The following UGGT2 variants were observed in gnomAD, a reference collection of about 807,000 sequenced individuals.
UGGT2 encodes the protein UDP-glucose glycoprotein glucosyltransferase 2, also known as UDP-glucose:glycoprotein glucosyltransferase 2.
Under a neutral mutation model 192.1 loss-of-function variants are expected in UGGT2, and 180 were observed. The observed-to-expected ratio is 0.94, with a 90% CI of 0.83 to 1.06. The LOEUF is 1.06. Among genes scored for constraint, UGGT2 ranks in the 50% least tolerant of loss-of-function variants. The probability of loss-of-function intolerance (pLI) is 0.00; values close to 1 mark genes in which losing one functional copy is unlikely to be tolerated. For missense variants in UGGT2, 1,849 were observed against 1,795.7 expected (o/e 1.03, Z -0.54); for synonymous variants, 580 against 591.0 (o/e 0.98, Z 0.27).
At chr13:95,832,574 T>A (rs1243487015) in intron 38 of UGGT2, 2 of 334,374 alleles carry the variant, frequency 6.0e-6, no homozygotes, top group Non-Finnish European at 1.2e-5. Context: ...AAAGCTTTTA[T>A]TAATTTTTAG....
intron 17 of UGGT2, among the ~76,000 whole-genome samples, chr13:95,928,728 G>A (rs1352035684): frequency 6.6e-6 from 1 of 152,112 alleles, no homozygotes; most frequent in Non-Finnish European, 1.5e-5. Flanking sequence ...GCTGGGCAGA[G>A]GGGCTCCTCA....
At chr13:95,937,130 T>C (rs1478350406) in intron 16 of UGGT2, 42 bp from the exon 17 acceptor site, 16 of 1,549,128 alleles carry the variant, frequency 1.0e-5, no homozygotes, top group Non-Finnish European at 1.3e-5. Flanking sequence ...CAAAATATGA[T>C]TGTTTGAATA....
chr13:95,944,774 T>G (rs2049808730), intron 15 of UGGT2, among the ~76,000 whole-genome samples: 1 of 152,012 alleles, frequency 6.6e-6, no homozygotes, highest in Non-Finnish European at 1.5e-5. Context: ...GAATGCAAAA[T>G]CATCTCATTC....
At position 96,031,897 on chromosome 13, in the gene UGGT2, T is replaced by A. The variant is rs2052847163; in HGVS notation, c.233A>T (p.Lys78Met). ...ATTTACATATCACCTACCTGTTTGC[T>A]TATAAATTGCTAATTCTTGCACAGT... ...LETVQELAIY[K>M]QTESDYSYYN... Residue 78 changes from lysine to methionine, a missense_variant, in exon 2 of 39, where the codon AAG becomes ATG. By Grantham distance (95) the Lys-to-Met change is moderately conservative. Coordinates refer to ENST00000376747, the MANE Select transcript of UGGT2 (RefSeq NM_020121.4). 6.2e-7 allele frequency: 1 copy of A among 1,609,090 alleles called. No individual in the cohort carries two copies. Among genetic ancestry groups the A allele is most frequent in the Admixed American group, 1.7e-5 (1 of 59,524 alleles).
At chr13:95,869,337 G>A (rs573764426) in intron 29 of UGGT2, among the ~76,000 whole-genome samples, 9 of 151,994 alleles carry the variant, frequency 5.9e-5, no homozygotes, top group Non-Finnish European at 7.4e-5. Context: ...GAATAGTGCC[G>A]CAATAAACAT....
At chr13:95,960,635 A>G (rs1282117295) in intron 12 of UGGT2, among the ~76,000 whole-genome samples, 2 of 152,228 alleles carry the variant, frequency 1.3e-5, no homozygotes, top group African/African-American at 4.8e-5. Context: ...TTAATGAAAT[A>G]ACAGAAAAAG....
intron 20 of UGGT2, among the ~76,000 whole-genome samples, chr13:95,921,132 G>A (rs1019940423): frequency 2.0e-5 from 3 of 152,026 alleles, no homozygotes. Context: ...TTTTAAGTGG[G>A]AGCTGAATGA....
At chr13:95,838,546 C>T (rs1887539469) in intron 36 of UGGT2, among the ~76,000 whole-genome samples, 1 of 152,046 alleles carries the variant, frequency 6.6e-6, no homozygotes, top group Admixed American at 6.6e-5. Flanking sequence ...TGAAGTCTTA[C>T]TATAAAGTTA....
At position 95,854,305 on chromosome 13, in the gene UGGT2, CT is replaced by C. The variant is rs1889356935; in HGVS notation, c.4169+9del. On this transcript the variant is annotated intron_variant, in intron 35 of 38. Coordinates refer to ENST00000376747, the MANE Select transcript of UGGT2 (RefSeq NM_020121.4). ...TATTTACTAAATGGTAAGGGTCTGA[CT>C]TTTCTTACCTGATATGGTATTTCCG... The C allele has an allele frequency of 6.2e-7, 1 of 1,606,036 alleles. No individual in the cohort carries two copies. Among genetic ancestry groups the C allele is most frequent in the African/African-American group, 1.3e-5 (1 of 74,434 alleles).
At chr13:95,803,498 G>C (rs1369285039) in intron 38 of UGGT2, among the ~76,000 whole-genome samples, 5 of 152,108 alleles carry the variant, frequency 3.3e-5, no homozygotes, top group Non-Finnish European at 7.4e-5. Flanking sequence ...GACCTCAGGT[G>C]ATCCACCCGC....
chr13:95,921,955 T>C (rs1459492624), intron 20 of UGGT2, among the ~76,000 whole-genome samples: 1 of 152,148 alleles, frequency 6.6e-6, no homozygotes, highest in African/African-American at 2.4e-5. Context: ...TAAATCATTC[T>C]ACCAAAAAAG....
At chr13:95,928,660 C>T (rs1271919773) in intron 17 of UGGT2, among the ~76,000 whole-genome samples, 3 of 152,112 alleles carry the variant, frequency 2.0e-5, no homozygotes, top group Non-Finnish European at 4.4e-5. Context: ...AGACGCTCCT[C>T]ACTTCCTAGA....
At chr13:95,874,121 T>C (rs1481028523) in intron 29 of UGGT2, among the ~76,000 whole-genome samples, 1 of 152,170 alleles carries the variant, frequency 6.6e-6, no homozygotes, top group East Asian at 1.9e-4. Context: ...CTTATTTTTG[T>C]CTGCTTATTC....
intron 26 of UGGT2, chr13:95,887,172 G>A (rs138138185): frequency 2.6e-6 from 1 of 390,726 alleles, no homozygotes; most frequent in Non-Finnish European, 5.2e-6. Context: ...TGTCTTGTGT[G>A]TGTATGCATA....
chr13:95,895,065 T>C, intron 23 of UGGT2, 115 bp downstream of exon 23: 2 of 1,047,312 alleles, frequency 1.9e-6, no homozygotes, highest in Non-Finnish European at 2.7e-6. Context: ...TCTTTATATA[T>C]GTCTTTTATT....
intron 10 of UGGT2, 117 bp downstream of exon 10, chr13:95,983,687 T>C (rs2051199811): frequency 1.2e-6 from 1 of 805,890 alleles, no homozygotes; most frequent in Admixed American, 2.8e-5. Flanking sequence ...CCAGACTGTT[T>C]TAATAATCAA....
chr13:95,887,139 C>A, intron 26 of UGGT2: 1 of 277,626 alleles, frequency 3.6e-6, no homozygotes, highest in Non-Finnish European at 7.4e-6. Context: ...GAAAAGTAAA[C>A]AAGGAATGAA....
In UGGT2 at chr13:95,837,081, C is replaced by A. The variant is rs756577743; in HGVS notation, c.4401+5G>T. ...TTACATACAAATGAAAACAAAGACA[C>A]TCACCAGATCAATTGTTTTGGCTCT... is the stretch of plus-strand genomic sequence containing the variant. On this transcript the variant is annotated splice_donor_5th_base_variant and intron_variant, in intron 37 of 38. Transcript: ENST00000376747. 2 of 1,592,240 alleles carry A rather than the reference C, an allele frequency of 1.3e-6. No individual in the cohort carries two copies. The highest frequency in any genetic ancestry group is 1.7e-6 in the Non-Finnish European group (2 of 1,160,210).
chr13:95,806,533 A>G (rs1416334115), intron 38 of UGGT2, among the ~76,000 whole-genome samples: 2 of 152,204 alleles, frequency 1.3e-5, no homozygotes, highest in African/African-American at 4.8e-5. Flanking sequence ...CCCCAATGAC[A>G]CTTTTTGCAG....
Sources: gnomAD v4.1 joint callset for allele counts (sites outside exome capture counted in the v4.1 genomes callset) on GRCh38, gnomAD v4.1.1 for gene constraint, MANE v1.5 for transcripts, NCBI Gene and HGNC (gene_info 2026-07-23, HGNC 2026-07-21) for gene names.